Variants in GNA14 observed in about 807,000 individuals in gnomAD.
GNA14 encodes G protein subunit alpha 14, also known as guanine nucleotide-binding protein subunit alpha-14.
A neutral mutation model predicts 42.0 loss-of-function variants in GNA14; 50 were observed. That is an observed-to-expected ratio of 1.19 (90% CI 0.95 to 1.51). The LOEUF (loss-of-function observed/expected upper bound fraction) is 1.51. GNA14 is among the 40% of genes most tolerant of loss of function. The probability of loss-of-function intolerance (pLI) is 0.00; values close to 1 mark genes in which losing one functional copy is unlikely to be tolerated. For missense variants in GNA14, 473 were observed against 446.2 expected (o/e 1.06, Z -0.54); for synonymous variants, 173 against 163.1 (o/e 1.06, Z -0.46).
intron 1 of GNA14, among the ~76,000 whole-genome samples, chr9:77,602,134 A>G (rs1242619711): frequency 1.3e-5 from 2 of 152,328 alleles, no homozygotes; most frequent in Middle Eastern, 3.4e-3. Flanking sequence ...CTTTTGCACC[A>G]TGAATGATAT....
At chr9:77,596,228 G>A (rs574777784) in intron 1 of GNA14, among the ~76,000 whole-genome samples, 1 of 151,842 alleles carries the variant, frequency 6.6e-6, no homozygotes, top group African/African-American at 2.4e-5. Context: ...AAGCAGAAAC[G>A]TAAATATTGA....
chr9:77,635,260 T>A (rs1366268089), intron 1 of GNA14: 1 of 152,198 alleles, frequency 6.6e-6, no homozygotes, highest in East Asian at 1.9e-4. Flanking sequence ...GCCATGCTAA[T>A]CTTCTGTGTA....
intron 2 of GNA14, among the ~76,000 whole-genome samples, chr9:77,467,004 T>C (rs1181083213): frequency 1.6e-5 from 2 of 126,248 alleles, no homozygotes; most frequent in Non-Finnish European, 3.1e-5. Context: ...CCACTCGGTG[T>C]GTGTGTGTGT....
At chr9:77,524,764 G>A (rs1837408375) in intron 2 of GNA14, among the ~76,000 whole-genome samples, 1 of 152,018 alleles carries the variant, frequency 6.6e-6, no homozygotes, top group African/African-American at 2.4e-5. Context: ...AAATGATAGA[G>A]AAGAAATTGA....
chr9:77,644,402 G>A (rs916713459), intron 1 of GNA14, among the ~76,000 whole-genome samples: 2 of 132,278 alleles, frequency 1.5e-5, no homozygotes, highest in Non-Finnish European at 3.0e-5. Context: ...GTAGGAAGCC[G>A]TGACTGTATT....
In GNA14 at chr9:77,521,857, G is replaced by A. The variant is rs1837361427; in HGVS notation, c.309+7212C>T. On this transcript the variant is annotated intron_variant, in intron 2 of 6. Coordinates refer to ENST00000341700, the MANE Select transcript of GNA14 (RefSeq NM_004297.4). ...TATGGTACATATTTTTTTTGAGATG[G>A]AGTCTCACTCTGTCACCCAGGCTGG... Among the ~76,000 whole-genome samples, 3 of 151,798 alleles carry A rather than the reference G, an allele frequency of 2.0e-5. No homozygotes were observed. In the South Asian group the frequency reaches 6.2e-4, roughly 32 times the overall value.
At chr9:77,432,505 C>A (rs186105374) in intron 3 of GNA14, among the ~76,000 whole-genome samples, 20 of 152,298 alleles carry the variant, frequency 1.3e-4, no homozygotes, top group African/African-American at 4.8e-4. Flanking sequence ...ATACCTGCAG[C>A]CCTTACCACA....
chr9:77,631,815 G>A (rs1410843740), intron 1 of GNA14, among the ~76,000 whole-genome samples: 1 of 152,186 alleles, frequency 6.6e-6, no homozygotes, highest in Non-Finnish European at 1.5e-5. Context: ...GCCATCTGGA[G>A]CAGCCGCTGC....
At chr9:77,450,967 T>C (rs1835892873) in intron 2 of GNA14, among the ~76,000 whole-genome samples, 2 of 152,096 alleles carry the variant, frequency 1.3e-5, no homozygotes, top group African/African-American at 4.8e-5. Flanking sequence ...TCCACCATGA[T>C]TGTGAGGCCT....
intron 2 of GNA14, among the ~76,000 whole-genome samples, chr9:77,467,851 A>C (rs1822544): frequency 6.6e-6 from 1 of 151,642 alleles, no homozygotes; most frequent in African/African-American, 2.4e-5. Context: ...GGAAAAAGTT[A>C]ATAGTACTTG....
At chr9:77,607,326 T>C (rs898454904) in intron 1 of GNA14, among the ~76,000 whole-genome samples, 1 of 152,122 alleles carries the variant, frequency 6.6e-6, no homozygotes, top group Admixed American at 6.6e-5. Flanking sequence ...GAATAAGTGA[T>C]TGCTGATGAA....
intron 2 of GNA14, among the ~76,000 whole-genome samples, chr9:77,457,981 C>T (rs1441591940): frequency 6.6e-6 from 1 of 152,086 alleles, no homozygotes; most frequent in East Asian, 1.9e-4. Flanking sequence ...TGGGTCACAG[C>T]TTGCTTTAAT....
At chr9:77,483,716 T>C (rs1160691298) in intron 2 of GNA14, among the ~76,000 whole-genome samples, 1 of 152,116 alleles carries the variant, frequency 6.6e-6, no homozygotes, top group East Asian at 1.9e-4. Flanking sequence ...GAGTCTTATA[T>C]GAAAATTCCC....
At chr9:77,459,846 T>C (rs1836073774) in intron 2 of GNA14, among the ~76,000 whole-genome samples, 1 of 152,194 alleles carries the variant, frequency 6.6e-6, no homozygotes, top group Non-Finnish European at 1.5e-5. Context: ...TATATCCTCC[T>C]GGCATCTCTC....
In GNA14 at chr9:77,618,605, TATATATATA is replaced by T. The variant is rs1564067806; in HGVS notation, c.124+29056_124+29064del. Among the ~76,000 whole-genome samples the T allele has an allele frequency of 6.7e-4, 9 of 13,404 alleles. 1 individual carries two copies. The highest frequency in any genetic ancestry group is 1.9e-3 in the African/African-American group (8 of 4,214). 8.8% of individuals were successfully genotyped at this position (13,404 alleles called of 152,430 possible). A position where few individuals can be genotyped will look rare whatever the true frequency, so the allele number is the denominator to read the frequency against. On this transcript the variant is annotated intron_variant, in intron 1 of 6. Coordinates refer to ENST00000341700, the MANE Select transcript of GNA14 (RefSeq NM_004297.4). The stretch of plus-strand genomic sequence containing the variant: ...GAATATATATATATATATATATATA[TATATATATA>T]TATATATTTTTTTTTTTTTTTTTTT...
intron 2 of GNA14, among the ~76,000 whole-genome samples, chr9:77,510,305 T>C (rs1219593777): frequency 6.6e-6 from 1 of 152,200 alleles, no homozygotes; most frequent in East Asian, 1.9e-4. Context: ...GCGCTTATTA[T>C]TGAATAATAT....
intron 2 of GNA14, among the ~76,000 whole-genome samples, chr9:77,499,933 G>A (rs1200357879): frequency 6.6e-6 from 1 of 151,946 alleles, no homozygotes; most frequent in African/African-American, 2.4e-5. Context: ...GGACTATATA[G>A]CATTTAAACA....
intron 2 of GNA14, among the ~76,000 whole-genome samples, chr9:77,501,010 A>T (rs140462266): frequency 0.035 from 5,335 of 151,946 alleles, 221 homozygotes; most frequent in African/African-American, 0.099. Context: ...GCTGGAGTGC[A>T]GTGGCACAAT....
intron 1 of GNA14, among the ~76,000 whole-genome samples, chr9:77,590,920 AT>A (rs1430846158): frequency 6.6e-6 from 1 of 152,158 alleles, no homozygotes; most frequent in Non-Finnish European, 1.5e-5. Context: ...TAAAATTGCT[AT>A]TACCACAGGC....
Sources: allele counts gnomAD v4.1 joint callset (sites outside exome capture counted in the v4.1 genomes callset), GRCh38; gene constraint gnomAD v4.1.1; transcripts MANE v1.5; gene names NCBI Gene and HGNC (gene_info 2026-07-23, HGNC 2026-07-21).